CDH12: variants seen among roughly 807,000 people sequenced by gnomAD.
CDH12 encodes cadherin 12.
In CDH12, 41 loss-of-function variants were observed where a neutral mutation model predicts 74.1. The ratio of observed to expected loss-of-function variants is 0.55; its 90% CI spans 0.43 to 0.72. CDH12 has a LOEUF of 0.72. CDH12 is among the 30% of genes least tolerant of loss of function. The pLI, the probability that CDH12 is intolerant of heterozygous loss-of-function variation, is 0.00. For synonymous variants in CDH12, 399 were observed against 355.0 expected, an observed-to-expected ratio of 1.12 and a Z score of -1.39; for missense variants, 945 against 977.2, an observed-to-expected ratio of 0.97 and a Z score of 0.44.
intron 1 of CDH12, among the ~76,000 whole-genome samples, chr5:22,745,922 TA>T (rs1255508347): frequency 6.6e-6 from 1 of 152,000 alleles, no homozygotes; most frequent in African/African-American, 2.4e-5. Context: ...AAATAAACAT[TA>T]AAAAATAAAA....
chr5:22,066,597 T>C (rs1386317918), intron 5 of CDH12, among the ~76,000 whole-genome samples: 1 of 152,112 alleles, frequency 6.6e-6, no homozygotes, highest in African/African-American at 2.4e-5. Context: ...ATTTGTATAC[T>C]CAGCAGCTGG....
At chr5:22,551,835 C>T (rs1738587403) in intron 1 of CDH12, among the ~76,000 whole-genome samples, 2 of 152,198 alleles carry the variant, frequency 1.3e-5, no homozygotes, top group South Asian at 2.1e-4. Flanking sequence ...CTATACTTTT[C>T]CAAAATTATA....
At chr5:21,806,317 T>C (rs907389894) in intron 9 of CDH12, among the ~76,000 whole-genome samples, 6 of 152,138 alleles carry the variant, frequency 3.9e-5, no homozygotes, top group African/African-American at 1.2e-4. Flanking sequence ...GGGCAGGTCT[T>C]TTCTATGCCT....
intron 3 of CDH12, among the ~76,000 whole-genome samples, chr5:22,283,255 C>CACACAT (rs1736992167): frequency 7.2e-6 from 1 of 138,280 alleles, no homozygotes; most frequent in African/African-American, 3.0e-5. Flanking sequence ...TATATATACA[C>CACACAT]ACACACACAC....
At chr5:22,073,700 T>A (rs1316502342) in intron 5 of CDH12, among the ~76,000 whole-genome samples, 6 of 152,150 alleles carry the variant, frequency 3.9e-5, no homozygotes, top group Non-Finnish European at 5.9e-5. Flanking sequence ...TAAAGTAACA[T>A]TTTTGTTCAA....
At chr5:22,115,597 T>C (rs1046804196) in intron 4 of CDH12, among the ~76,000 whole-genome samples, 1 of 152,022 alleles carries the variant, frequency 6.6e-6, no homozygotes, top group African/African-American at 2.4e-5. Context: ...GGAAATGCAA[T>C]AAGTTTGATA....
chr5:22,647,543 C>T (rs561482558), intron 1 of CDH12, among the ~76,000 whole-genome samples: 40 of 151,758 alleles, frequency 2.6e-4, no homozygotes, highest in African/African-American at 8.0e-4. Context: ...ATTTCCTTCT[C>T]GCTGTGTCCT....
At chr5:22,496,722 C>A (rs372693978) in intron 2 of CDH12, among the ~76,000 whole-genome samples, 1 of 152,176 alleles carries the variant, frequency 6.6e-6, no homozygotes, top group Non-Finnish European at 1.5e-5. Flanking sequence ...TTTTAAGATT[C>A]ATCAGCAGCA....
At chr5:22,337,485 G>A (rs1292336944) in intron 3 of CDH12, among the ~76,000 whole-genome samples, 1 of 152,240 alleles carries the variant, frequency 6.6e-6, no homozygotes, top group East Asian at 1.9e-4. Flanking sequence ...ATTGAATCAT[G>A]GGGGTAAGTG....
chr5:22,072,046 T>C (rs1008259041), intron 5 of CDH12, among the ~76,000 whole-genome samples: 1 of 152,094 alleles, frequency 6.6e-6, no homozygotes, highest in Non-Finnish European at 1.5e-5. Context: ...ATTTCCTTCA[T>C]TGTACTTCCT....
chr5:21,975,327 C>A lies in CDH12; in HGVS notation c.290G>T (p.Gly97Val). The change falls in exon 6 of 15, where the codon GGC (glycine) becomes GTC (valine). Residue 97 changes from glycine to valine, a missense_variant. Physicochemically the swap from Gly to Val is moderately radical, Grantham distance 109. Transcript: ENST00000382254. ...ATCAATGGTAAAAACGGTGCCAGCGCCATCTCCTGAGAGGGTGTATTTCAC... is the reference window on the plus strand; with the variant it reads ...ATCAATGGTAAAAACGGTGCCAGCGACATCTCCTGAGAGGGTGTATTTCAC... ...GTVKYTLSGD[G>V]AGTVFTIDET... 6.3e-7 allele frequency: 1 copy of A among 1,597,224 alleles called. No homozygotes were observed. Among genetic ancestry groups the A allele is most frequent in the Non-Finnish European group, 8.5e-7 (1 of 1,179,576 alleles).
intron 6 of CDH12, among the ~76,000 whole-genome samples, chr5:21,965,703 A>T (rs1273137586): frequency 6.6e-6 from 1 of 151,884 alleles, no homozygotes; most frequent in Non-Finnish European, 1.5e-5. Flanking sequence ...GTTTTCTGTA[A>T]TAGTTACTTG....
At chr5:22,331,619 T>C (rs1231622602) in intron 3 of CDH12, among the ~76,000 whole-genome samples, 2 of 152,112 alleles carry the variant, frequency 1.3e-5, no homozygotes, top group East Asian at 3.9e-4. Flanking sequence ...TCTACAAGCA[T>C]CAACACTATC....
At chr5:22,297,213 G>A (rs1737667785) in intron 3 of CDH12, among the ~76,000 whole-genome samples, 1 of 152,056 alleles carries the variant, frequency 6.6e-6, no homozygotes. Flanking sequence ...TGGACACGGG[G>A]TTTCTCCATG....
chr5:22,471,719 T>A (rs2662496), intron 2 of CDH12, among the ~76,000 whole-genome samples: 85,237 of 151,970 alleles, frequency 0.56, 24,096 homozygotes, highest in Admixed American at 0.69. Context: ...GTTCTCAGTC[T>A]TTGCCTTGCT....
intron 6 of CDH12, among the ~76,000 whole-genome samples, chr5:21,951,174 T>G: frequency 6.6e-6 from 1 of 152,142 alleles, no homozygotes; most frequent in East Asian, 1.9e-4. Flanking sequence ...AATAACATTG[T>G]TTTCAATACG....
At chr5:22,635,060 A>G (rs963429562) in intron 1 of CDH12, among the ~76,000 whole-genome samples, 6 of 152,126 alleles carry the variant, frequency 3.9e-5, no homozygotes, top group Non-Finnish European at 5.9e-5. Flanking sequence ...AGAAGGAGAA[A>G]CAAATTTAGA....
intron 1 of CDH12, among the ~76,000 whole-genome samples, chr5:22,852,447 G>A (rs1737600267): frequency 6.6e-6 from 1 of 152,104 alleles, no homozygotes; most frequent in Non-Finnish European, 1.5e-5. Flanking sequence ...ATTTGGAAAT[G>A]CATATTATAT....
intron 4 of CDH12, among the ~76,000 whole-genome samples, chr5:22,139,000 G>A (rs1425407516): frequency 2.7e-5 from 4 of 150,196 alleles, no homozygotes; most frequent in Admixed American, 6.7e-5. Flanking sequence ...ACAAAACAGG[G>A]AACCAGGTAC....
Sources: allele counts gnomAD v4.1 joint callset (sites outside exome capture counted in the v4.1 genomes callset), GRCh38; gene constraint gnomAD v4.1.1; transcripts MANE v1.5; gene names NCBI Gene and HGNC (gene_info 2026-07-23, HGNC 2026-07-21).